Variants in ZFHX3 observed in about 807,000 individuals in gnomAD.
The protein encoded by ZFHX3 is zinc finger homeobox 3.
Under a neutral mutation model 279.1 loss-of-function variants are expected in ZFHX3, and 42 were observed. That is an observed-to-expected ratio of 0.15 (90% CI 0.12 to 0.19). The LOEUF (loss-of-function observed/expected upper bound fraction) is 0.19. ZFHX3 is among the 10% of genes least tolerant of loss of function. ZFHX3 has a pLI of 1.00. For missense variants in ZFHX3, 4,981 were observed against 4,754.0 expected, an observed-to-expected ratio of 1.05 and a Z score of -1.40; for synonymous variants, 2,293 against 1,957.8, an observed-to-expected ratio of 1.17 and a Z score of -4.52.
At chr16:73,583,683 T>A (rs967766664) in intron 2 of ZFHX3, among the ~76,000 whole-genome samples, 1 of 152,232 alleles carries the variant, frequency 6.6e-6, no homozygotes, top group African/African-American at 2.4e-5. Flanking sequence ...ATAGACATGT[T>A]CAATTCTATC....
At chr16:72,972,838 T>C (rs764587969) in intron 1 of ZFHX3, among the ~76,000 whole-genome samples, 7 of 152,322 alleles carry the variant, frequency 4.6e-5, no homozygotes, top group Non-Finnish European at 1.0e-4. Context: ...CTACATTGCC[T>C]GTCCTCTCCC....
intron 1 of ZFHX3, among the ~76,000 whole-genome samples, chr16:73,056,841 A>C (rs1354378291): frequency 6.6e-6 from 1 of 152,208 alleles, no homozygotes; most frequent in African/African-American, 2.4e-5. Flanking sequence ...CCTCCAAATA[A>C]GTTGGTCTGC....
chr16:73,129,921 T>G (rs549260636), intron 7 of ZFHX3, among the ~76,000 whole-genome samples: 4 of 152,272 alleles, frequency 2.6e-5, no homozygotes, highest in African/African-American at 9.6e-5. Context: ...CCATCCTCCT[T>G]GTGTTTAAGG....
chr16:73,748,014 T>C (rs951844873), intron 1 of ZFHX3, among the ~76,000 whole-genome samples: 3 of 152,164 alleles, frequency 2.0e-5, no homozygotes, highest in Non-Finnish European at 4.4e-5. Context: ...CTGCCCTTTG[T>C]TTACAAATAC....
chr16:73,576,384 A>G (rs2051799399), intron 2 of ZFHX3, among the ~76,000 whole-genome samples: 1 of 152,150 alleles, frequency 6.6e-6, no homozygotes, highest in South Asian at 2.1e-4. Flanking sequence ...GTGGTCAAAT[A>G]TTTACCCCGG....
At chr16:73,715,863 T>C (rs1159504223) in intron 1 of ZFHX3, among the ~76,000 whole-genome samples, 1 of 152,122 alleles carries the variant, frequency 6.6e-6, no homozygotes, top group Non-Finnish European at 1.5e-5. Context: ...TGAGCCACTG[T>C]GCCTGGCCCA....
At position 72,968,242 on chromosome 16, in the gene ZFHX3, G is replaced by T. The variant is rs79437469; in HGVS notation, c.-49-8048C>A. ...AGGCAAATCCAACTGAGGACAGTCT[G>T]CAGAATGTCCTATGCTTTTTAGAAA... is the stretch of plus-strand genomic sequence containing the variant. On this transcript the variant is annotated intron_variant, in intron 1 of 9. Transcript: ENST00000268489. Among the ~76,000 whole-genome samples the T allele has an allele frequency of 7.7e-3, 1,166 of 152,190 alleles. 12 individuals are homozygous for T. The highest frequency in any genetic ancestry group is 0.027 in the African/African-American group (1,108 of 41,520).
At chr16:73,208,897 C>T (rs1336851601) in intron 5 of ZFHX3, among the ~76,000 whole-genome samples, 3 of 152,186 alleles carry the variant, frequency 2.0e-5, no homozygotes, top group African/African-American at 4.8e-5. Flanking sequence ...TGAAATGCCA[C>T]GTGGCAGTAA....
chr16:73,352,862 G>GCAC (rs1242676918), intron 3 of ZFHX3, among the ~76,000 whole-genome samples: 1 of 152,104 alleles, frequency 6.6e-6, no homozygotes, highest in African/African-American at 2.4e-5. Context: ...ATCCTCAGCT[G>GCAC]CACTGGTCAA....
At chr16:73,736,664 C>T (rs2053612531) in intron 1 of ZFHX3, among the ~76,000 whole-genome samples, 1 of 152,196 alleles carries the variant, frequency 6.6e-6, no homozygotes, top group Admixed American at 6.5e-5. Flanking sequence ...AGGAAAGAGT[C>T]TCTGGCTCCC....
chr16:73,700,481 A>C (rs903596487), intron 1 of ZFHX3, among the ~76,000 whole-genome samples: 2 of 152,236 alleles, frequency 1.3e-5, no homozygotes, highest in Non-Finnish European at 2.9e-5. Context: ...CTATTAAAGA[A>C]AATATATTTA....
rs1187755244 is a variant in ZFHX3, at chr16:72,784,097, A to G, written c.*3067T>C. Reference sequence around the variant, plus strand: ...ACCCACTCCAGGTTGAAACAATCACATAACCCCTCTGAGAACACTAGGTGG... The same window carrying G: ...ACCCACTCCAGGTTGAAACAATCACGTAACCCCTCTGAGAACACTAGGTGG... On this transcript the variant is annotated 3_prime_UTR_variant, in exon 10 of 10. Coordinates refer to ENST00000268489, the MANE Select transcript of ZFHX3 (RefSeq NM_006885.4). 1 of 152,610 alleles carries G rather than the reference A, an allele frequency of 6.6e-6. No homozygotes were observed. The highest frequency in any genetic ancestry group is 1.5e-5 in the Non-Finnish European group (1 of 68,028). 9.5% of individuals were successfully genotyped at this position (152,610 alleles called of 1,614,324 possible).
chr16:72,841,701 T>A (rs1050990670), intron 4 of ZFHX3, among the ~76,000 whole-genome samples: 28 of 152,218 alleles, frequency 1.8e-4, no homozygotes, highest in African/African-American at 5.1e-4. Context: ...CAGGACTCGC[T>A]GTGTATCTAT....
chr16:73,166,127 A>G (rs1407183450), intron 5 of ZFHX3, among the ~76,000 whole-genome samples: 3 of 152,184 alleles, frequency 2.0e-5, no homozygotes. Context: ...GACCTAAGTA[A>G]ATTATTCACT....
intron 1 of ZFHX3, among the ~76,000 whole-genome samples, chr16:73,020,414 CTCTG>C (rs1292601889): frequency 2.0e-5 from 3 of 152,278 alleles, no homozygotes; most frequent in Admixed American, 6.5e-5. Context: ...AACAAAAGCT[CTCTG>C]TCTTAGATTC....
At chr16:73,663,686 A>G (rs2052807753) in intron 2 of ZFHX3, among the ~76,000 whole-genome samples, 1 of 152,234 alleles carries the variant, frequency 6.6e-6, no homozygotes, top group Admixed American at 6.5e-5. Flanking sequence ...TGCTGAATAA[A>G]TGTTTGTTAA....
At chr16:72,893,278 C>T (rs2038817250) in intron 3 of ZFHX3, among the ~76,000 whole-genome samples, 1 of 152,178 alleles carries the variant, frequency 6.6e-6, no homozygotes, top group Non-Finnish European at 1.5e-5. Context: ...AAAGCCTTAC[C>T]TCCAATCCCC....
intron 4 of ZFHX3, among the ~76,000 whole-genome samples, chr16:73,309,837 A>G (rs939378369): frequency 6.6e-6 from 1 of 151,916 alleles, no homozygotes; most frequent in African/African-American, 2.4e-5. Context: ...GGACAAAAAT[A>G]GCAGTTTAGT....
At chr16:73,549,024 T>C (rs1424623241) in intron 2 of ZFHX3, among the ~76,000 whole-genome samples, 1 of 152,164 alleles carries the variant, frequency 6.6e-6, no homozygotes, top group East Asian at 1.9e-4. Flanking sequence ...TTTAGTTACT[T>C]CTCAGAAATT....
Sources: gnomAD v4.1 joint callset for allele counts (sites outside exome capture counted in the v4.1 genomes callset) on GRCh38, gnomAD v4.1.1 for gene constraint, MANE v1.5 for transcripts, NCBI Gene and HGNC (gene_info 2026-07-23, HGNC 2026-07-21) for gene names.